Variants in NDUFAF5 observed in about 807,000 individuals in gnomAD.
The protein encoded by NDUFAF5 is arginine-hydroxylase NDUFAF5, mitochondrial.
Under a neutral mutation model 48.9 loss-of-function variants are expected in NDUFAF5, and 34 were observed. The ratio of observed to expected loss-of-function variants is 0.70; its 90% CI spans 0.53 to 0.93. The LOEUF (loss-of-function observed/expected upper bound fraction) is 0.93. Among genes scored for constraint, NDUFAF5 ranks in the 40% least tolerant of loss-of-function variants. NDUFAF5 has a pLI of 0.00. For missense variants in NDUFAF5, 428 were observed against 427.5 expected, an observed-to-expected ratio of 1.00 and a Z score of -0.01; for synonymous variants, 153 against 150.6, an observed-to-expected ratio of 1.02 and a Z score of -0.12.
rs146906450 is a variant in NDUFAF5, at chr20:13,798,453, T to C, written c.480-8T>C. 6.2e-7 allele frequency: 1 copy of C among 1,605,468 alleles called. No individual in the cohort carries two copies. Among genetic ancestry groups the C allele is most frequent in the African/African-American group, 1.3e-5 (1 of 74,870 alleles). On this transcript the variant is annotated splice_region_variant and splice_polypyrimidine_tract_variant and intron_variant, in intron 5 of 10. Transcript: ENST00000378106. Reference sequence around the variant, plus strand: ...AAGCTAAAACAAATCTGTATTCTCATATTTTAGTTTGCATTGGGTGAATGA... The same window carrying C: ...AAGCTAAAACAAATCTGTATTCTCACATTTTAGTTTGCATTGGGTGAATGA...
At chr20:13,806,103 G>A (rs1037692837) in intron 7 of NDUFAF5, among the ~76,000 whole-genome samples, 26 of 152,260 alleles carry the variant, frequency 1.7e-4, no homozygotes, top group South Asian at 4.1e-4. Context: ...TCATATAGAT[G>A]TATTTACATC....
rs1388554822 is a variant in NDUFAF5, at chr20:13,819,872, G to C, written c.*2662G>C. The stretch of plus-strand genomic sequence containing the variant: ...TCTTCTCTGTTTAGCTATAAGATTA[G>C]AATTCATACTGAAAGATTTCTAGGA... On this transcript the variant is annotated 3_prime_UTR_variant, in exon 11 of 11. Transcript: ENST00000378106. 6.6e-6 allele frequency: 1 copy of C among 152,200 alleles called. No homozygotes were observed. The highest frequency in any genetic ancestry group is 1.5e-5 in the Non-Finnish European group (1 of 68,026). 9.4% of individuals were successfully genotyped at this position (152,200 alleles called of 1,614,324 possible).
chr20:13,811,465 A>G (rs1247672596), intron 8 of NDUFAF5, among the ~76,000 whole-genome samples: 3 of 152,002 alleles, frequency 2.0e-5, no homozygotes, highest in Non-Finnish European at 4.4e-5. Flanking sequence ...GGATGGTGGC[A>G]GTACTGGAGT....
Position 13,818,866 on chromosome 20 carries a change from C to G in NDUFAF5, c.*1656C>G, listed in dbSNP as rs1986787025. 6.6e-6 allele frequency: 1 copy of G among 152,238 alleles called. No homozygotes were observed. The highest frequency in any genetic ancestry group is 1.5e-5 in the Non-Finnish European group (1 of 68,130). The allele number at this position is 152,238 out of a possible 1,614,324, so 9.4% of individuals were successfully genotyped here. On this transcript the variant is annotated 3_prime_UTR_variant, in exon 11 of 11. Coordinates refer to ENST00000378106, the MANE Select transcript of NDUFAF5 (RefSeq NM_024120.5). The stretch of plus-strand genomic sequence containing the variant: ...TGAATGTCTGTCAGGGGTATAGAAA[C>G]TAGGAGGGAGACTTGTACTTTTCAC...
chr20:13,816,991 G>C, intron 10 of NDUFAF5, 34 bp downstream of exon 10: 1 of 1,553,178 alleles, frequency 6.4e-7, no homozygotes, highest in South Asian at 1.1e-5. Context: ...TTTTCTTAGT[G>C]GGTTCGTGTT....
rs528835623 is a variant in NDUFAF5 at position 13,785,089 on chromosome 20, C to G, written c.21C>G (p.Leu7=). Residue 7 remains leucine (L), a synonymous_variant, in exon 1 of 11, where the codon CTC becomes CTG. Transcript: ENST00000378106. MLRPAG[L]WRLCRRPWAA... The stretch of plus-strand genomic sequence containing the variant: ...TGGAGATGCTGCGGCCGGCAGGGCT[C>G]TGGCGCTTATGTCGGCGACCTTGGG... The G allele has an allele frequency of 5.0e-6, 8 of 1,612,782 alleles. No individual in the cohort carries two copies. The East Asian group carries it at 1.8e-4, about 36-fold the overall frequency.
At chr20:13,807,792 A>G (rs995055226) in intron 7 of NDUFAF5, among the ~76,000 whole-genome samples, 1 of 151,656 alleles carries the variant, frequency 6.6e-6, no homozygotes, top group African/African-American at 2.4e-5. Context: ...AAATACAAAA[A>G]AAAAAAATTA....
In NDUFAF5 at chr20:13,801,539, C is replaced by T. The variant is rs1363141112; in HGVS notation, c.573C>T (p.Gly191=). ...DGVFIGAMFG[G]DTLYELRCSL... is the part of the protein sequence containing the mutation. ...TGTTTATCGGTGCAATGTTTGGAGG[C>T]GACACACTCTATGAACTTCGGTGTT... is the stretch of plus-strand genomic sequence containing the variant. Residue 191 remains glycine, a synonymous_variant, in exon 7 of 11, where the codon GGC becomes GGT. Coordinates refer to ENST00000378106, the MANE Select transcript of NDUFAF5 (RefSeq NM_024120.5). 6 of 1,613,666 alleles carry T rather than the reference C, an allele frequency of 3.7e-6. No homozygotes were observed. The highest frequency in any genetic ancestry group is 2.7e-5 in the African/African-American group (2 of 74,958).
rs911250450 is a variant in NDUFAF5, at chr20:13,818,506, CTG to C, written c.*1297_*1298del. The stretch of plus-strand genomic sequence containing the variant: ...AGAGAGAACAACAACAAAAAACAAA[CTG>C]CGCTAGCCAGGTGCAATGGCGCATG... On this transcript the variant is annotated 3_prime_UTR_variant, in exon 11 of 11. Transcript: ENST00000378106. The C allele has an allele frequency of 3.0e-6, 1 of 335,324 alleles. No individual in the cohort carries two copies. The highest frequency in any genetic ancestry group is 5.7e-6 in the Non-Finnish European group (1 of 175,182). 20.8% of individuals were successfully genotyped at this position (335,324 alleles called of 1,614,324 possible).
At chr20:13,785,699 G>A (rs1980946779) in intron 1 of NDUFAF5, among the ~76,000 whole-genome samples, 1 of 152,140 alleles carries the variant, frequency 6.6e-6, no homozygotes, top group Non-Finnish European at 1.5e-5. Context: ...CTTGAAAGGT[G>A]ACTAGTCCAA....
At chr20:13,815,432 A>G (rs1986348256) in intron 8 of NDUFAF5, among the ~76,000 whole-genome samples, 1 of 152,170 alleles carries the variant, frequency 6.6e-6, no homozygotes, top group African/African-American at 2.4e-5. Flanking sequence ...ATCTGCATGA[A>G]TTGGGGTTGT....
At chr20:13,788,987 T>C (rs1043122646) in intron 3 of NDUFAF5, among the ~76,000 whole-genome samples, 1 of 152,222 alleles carries the variant, frequency 6.6e-6, no homozygotes, top group Non-Finnish European at 1.5e-5. Flanking sequence ...GACTTTTAGC[T>C]AGAAAAATAT....
rs528494676 is a variant in NDUFAF5, at chr20:13,815,445, C to A, written c.779-1018C>A. Among the ~76,000 whole-genome samples the A allele has an allele frequency of 6.0e-4, 92 of 152,246 alleles. 1 individual carries two copies. Among genetic ancestry groups the A allele is most frequent in the African/African-American group, 2.0e-3 (85 of 41,538 alleles). On this transcript the variant is annotated intron_variant, in intron 8 of 10. Transcript: ENST00000378106. ...CAATCTGCATGAATTGGGGTTGTTA[C>A]ACTTACAGGATTTTAGTAGCAGAGA...
chr20:13,815,512 G>A (rs1397981285), intron 8 of NDUFAF5, among the ~76,000 whole-genome samples: 1 of 152,160 alleles, frequency 6.6e-6, no homozygotes, highest in Non-Finnish European at 1.5e-5. Flanking sequence ...TGAGATTAAA[G>A]AGAAGAAAAA....
chr20:13,810,347 A>C (rs1459618919), intron 8 of NDUFAF5, among the ~76,000 whole-genome samples: 1 of 152,246 alleles, frequency 6.6e-6, no homozygotes, highest in Non-Finnish European at 1.5e-5. Context: ...GGGAGCACTT[A>C]GCAGCGTTAA....
At position 13,816,939 on chromosome 20, in the gene NDUFAF5, G is replaced by A. The variant is rs868205864; in HGVS notation, c.927G>A (p.Trp309Ter). Residue 309 changes from tryptophan to a stop codon, truncating the protein, a stop_gained, in exon 10 of 11, where the codon TGG becomes TGA. Transcript: ENST00000378106. LOFTEE classifies it high-confidence loss of function. Reference protein sequence around the residue: ...ATYQIYYMIGWKYHESQARPA... With the variant: ...ATYQIYYMIG ...ACCAGATCTATTACATGATAGGATG[G>A]AAATATCATGAGTCACAGGTAACGT... 1.2e-6 allele frequency: 2 copies of A among 1,605,696 alleles called. No individual in the cohort carries two copies. The highest frequency in any genetic ancestry group is 2.2e-5 in the South Asian group (2 of 90,894).
intron 4 of NDUFAF5, among the ~76,000 whole-genome samples, chr20:13,793,461 C>T (rs540462734): frequency 3.9e-5 from 6 of 152,172 alleles, no homozygotes; most frequent in East Asian, 1.9e-4. Flanking sequence ...TAACTGTCCC[C>T]GCCCCCCCAA....
chr20:13,785,311 G>T, intron 1 of NDUFAF5, 21 bp downstream of exon 1: 1 of 1,575,750 alleles, frequency 6.3e-7, no homozygotes, highest in Non-Finnish European at 8.6e-7. Context: ...GGGGCGGCGG[G>T]GCGGCGGGGC....
intron 8 of NDUFAF5, 137 bp downstream of exon 8, chr20:13,809,039 T>C: frequency 1.5e-6 from 1 of 676,098 alleles, no homozygotes; most frequent in South Asian, 1.6e-5. Flanking sequence ...AGGGATCCAT[T>C]GTTGAGGAGA....
Sources: gnomAD v4.1 joint callset for allele counts (sites outside exome capture counted in the v4.1 genomes callset) on GRCh38, gnomAD v4.1.1 for gene constraint, MANE v1.5 for transcripts, NCBI Gene and HGNC (gene_info 2026-07-23, HGNC 2026-07-21) for gene names.